The following KLC4 variants were observed in gnomAD, a reference collection of about 807,000 sequenced individuals.
The protein encoded by KLC4 is kinesin-like protein 8.
In KLC4, 49 loss-of-function variants were observed where a neutral mutation model predicts 77.2. The observed-to-expected ratio is 0.63, with a 90% CI of 0.50 to 0.80. The LOEUF (loss-of-function observed/expected upper bound fraction) is 0.80. Among genes scored for constraint, KLC4 ranks in the 30% least tolerant of loss-of-function variants. KLC4 has a pLI of 0.00. For synonymous variants in KLC4, 274 were observed against 314.5 expected (o/e 0.87, Z 1.36); for missense variants, 669 against 793.5 (o/e 0.84, Z 1.89).
chr6:43,066,455 C>G lies in KLC4; in HGVS notation c.721C>G (p.Leu241Val). Residue 241 changes from leucine (L) to valine (V), a missense_variant, in exon 5 of 16, where the codon CTG becomes GTG. Leu to Val is a conservative substitution (Grantham distance 32). Coordinates refer to ENST00000347162, the MANE Select transcript of KLC4 (RefSeq NM_201521.3). ...ACTCTGTAAGCAGGCACTAGAGGAC[C>G]TGGAGCGCACATCAGGCCGTGGCCA... Reference protein sequence around the residue: ...VPLCKQALEDLERTSGRGHPD... With the variant: ...VPLCKQALEDVERTSGRGHPD... 1 of 1,614,170 alleles carries G rather than the reference C, an allele frequency of 6.2e-7. No individual in the cohort carries two copies. Among genetic ancestry groups the G allele is most frequent in the Non-Finnish European group, 8.5e-7 (1 of 1,180,022 alleles).
chr6:43,068,132 A>AG (rs1765539366), intron 6 of KLC4, among the ~76,000 whole-genome samples: 1 of 147,020 alleles, frequency 6.8e-6, no homozygotes, highest in Non-Finnish European at 1.5e-5. Flanking sequence ...AAAAAAAAAA[A>AG]AAAAAAAGAA....
chr6:43,072,899 G>A lies in KLC4; in HGVS notation c.1564G>A (p.Gly522Ser). 1 of 1,612,464 alleles carries A rather than the reference G, an allele frequency of 6.2e-7. No homozygotes were observed. Residue 522 changes from glycine to serine, a missense_variant, in exon 13 of 16, where the codon GGC becomes AGC. By Grantham distance (56) the Gly-to-Ser change is moderately conservative. Transcript: ENST00000347162. ...TGATGGTAGAAGGACCTCCCAGGAG[G>A]GCCCTGGAGACAGTGTGAAATTCGA... The part of the protein sequence containing the change: ...ESDGRRTSQE[G>S]PGDSVKFEGG...
intron 14 of KLC4, 35 bp downstream of exon 14, chr6:43,073,373 G>A (rs377192744): frequency 4.7e-6 from 7 of 1,475,292 alleles, no homozygotes; most frequent in African/African-American, 4.2e-5. Flanking sequence ...TAAAGTGGCC[G>A]GGTGCAGTGG....
intron 1 of KLC4, 155 bp downstream of exon 1, chr6:43,059,840 C>T (rs1765042941): frequency 1.7e-6 from 2 of 1,169,732 alleles, no homozygotes; most frequent in Non-Finnish European, 2.1e-6. Flanking sequence ...CGCCCCTCGG[C>T]GTCCAGACAG....
At chr6:43,063,403 A>G (rs1204855849) in intron 3 of KLC4, among the ~76,000 whole-genome samples, 1 of 152,238 alleles carries the variant, frequency 6.6e-6, no homozygotes, top group Non-Finnish European at 1.5e-5. Context: ...TGAATGGGGC[A>G]CACAGAGTTC....
intron 3 of KLC4, 65 bp downstream of exon 3, chr6:43,063,212 C>A: frequency 8.1e-7 from 1 of 1,239,108 alleles, no homozygotes; most frequent in Non-Finnish European, 1.2e-6. Flanking sequence ...GACATGGGGG[C>A]AATTGCCCCA....
rs369041929 is a variant in KLC4 at position 43,060,220 on chromosome 6, C to A, written c.-26+535C>A. On this transcript the variant is annotated intron_variant, in intron 1 of 15. Coordinates refer to ENST00000347162, the MANE Select transcript of KLC4 (RefSeq NM_201521.3). ...GACAGAGACAAAACCATGGAAGTGA[C>A]TGGGTTTGGAGTGACCAGGTGTTCC... The A allele has an allele frequency of 1.2e-4, 188 of 1,614,036 alleles. No individual in the cohort carries two copies. The highest frequency in any genetic ancestry group is 1.5e-4 in the Non-Finnish European group (181 of 1,179,992).
intron 9 of KLC4, 91 bp downstream of exon 9, chr6:43,071,465 G>C (rs976622506): frequency 7.8e-6 from 12 of 1,541,800 alleles, no homozygotes; most frequent in Admixed American, 6.7e-5. Flanking sequence ...TTCCCAGGGG[G>C]AGCCAGACCC....
Position 43,071,237 on chromosome 6 carries a change from A to G in KLC4, c.1156-38A>G, listed in dbSNP as rs201978254. Reference sequence around the variant, plus strand: ...AAAAAAAAAGACCTTGCCTCCCTCCATGTTTTGTTCCTGTATTTTTGCCTT... The same window carrying G: ...AAAAAAAAAGACCTTGCCTCCCTCCGTGTTTTGTTCCTGTATTTTTGCCTT... On this transcript the variant is annotated intron_variant, in intron 8 of 15. Transcript: ENST00000347162. 2.0e-4 allele frequency: 244 copies of G among 1,228,616 alleles called. 2 individuals are homozygous for G. In the East Asian group the frequency reaches 5.7e-3, roughly 28 times the overall value. 76.1% of individuals were successfully genotyped at this position (1,228,616 alleles called of 1,614,324 possible). A position where few individuals can be genotyped will look rare whatever the true frequency, so the allele number is the denominator to read the frequency against.
intron 6 of KLC4, among the ~76,000 whole-genome samples, chr6:43,067,969 G>A (rs556135702): frequency 3.2e-4 from 36 of 110,986 alleles, no homozygotes; most frequent in South Asian, 2.7e-3. Context: ...AAAATTAGCC[G>A]GGCGTAGTGG....
intron 8 of KLC4, 50 bp downstream of exon 8, chr6:43,070,915 GAGGTGGGGGGA>G: frequency 3.1e-6 from 1 of 319,742 alleles, no homozygotes; most frequent in East Asian, 7.8e-5. Context: ...GGGGGGCACA[GAGGTGGGGGGA>G]GGGGGGGCAG....
chr6:43,070,822 TG>T lies in KLC4; in HGVS notation c.1116del (p.Pro373ArgfsTer6). 1.2e-6 allele frequency: 2 copies of T among 1,603,208 alleles called. No homozygotes were observed. The highest frequency in any genetic ancestry group is 1.7e-6 in the Non-Finnish European group (2 of 1,175,590). On this transcript the variant is annotated frameshift_variant, in exon 8 of 16. Coordinates refer to ENST00000347162, the MANE Select transcript of KLC4 (RefSeq NM_201521.3). LOFTEE classifies it high-confidence loss of function. ...GCACTGGCCATCTACGAGGGGCAGC[TG>T]GGGCCGGACAACCCTAATGTAGCCC... ...QRALAIYEGQ[L>X]GPDNPNVART...
Position 43,071,287 on chromosome 6 carries a change from C to A in KLC4, c.1168C>A (p.Leu390Met). 6.2e-7 allele frequency: 1 copy of A among 1,612,574 alleles called. No individual in the cohort carries two copies. The change falls in exon 9 of 16, where the codon CTG (leucine) becomes ATG (methionine). Residue 390 changes from leucine to methionine, a missense_variant. Physicochemically the swap from Leu to Met is conservative, Grantham distance 15. Coordinates refer to ENST00000347162, the MANE Select transcript of KLC4 (RefSeq NM_201521.3). Reference sequence around the variant, plus strand: ...TTCTGTCCTCCAGGCTTCCTGTTACCTGAAACAGGGCAAATATGCTGAGGC... The same window carrying A: ...TTCTGTCCTCCAGGCTTCCTGTTACATGAAACAGGGCAAATATGCTGAGGC... ...RTKNNLASCY[L>M]KQGKYAEAET...
At chr6:43,070,323 A>G in intron 6 of KLC4, 31 bp from the exon 7 acceptor site, 1 of 1,538,674 alleles carries the variant, frequency 6.5e-7, no homozygotes, top group Non-Finnish European at 9.0e-7. Context: ...TGCAACCCAA[A>G]TGTCTGATGG....
chr6:43,063,889 T>C (rs1179833248), intron 3 of KLC4, among the ~76,000 whole-genome samples: 1 of 152,042 alleles, frequency 6.6e-6, no homozygotes, highest in Non-Finnish European at 1.5e-5. Flanking sequence ...CTCAACAGAA[T>C]GCAGTGATGC....
chr6:43,072,903 C>G lies in KLC4; in HGVS notation c.1568C>G (p.Pro523Arg), dbSNP rs113660587. 4 of 1,611,310 alleles carry G rather than the reference C, an allele frequency of 2.5e-6. No individual in the cohort carries two copies. The African/African-American group carries it at 4.0e-5, about 16-fold the overall frequency. ...SDGRRTSQEG[P>R]GDSVKFEGGE... ...GGTAGAAGGACCTCCCAGGAGGGCCCTGGAGACAGTGTGAAATTCGAGGGA... is the reference window on the plus strand; with the variant it reads ...GGTAGAAGGACCTCCCAGGAGGGCCGTGGAGACAGTGTGAAATTCGAGGGA... The change falls in exon 13 of 16, where the codon CCT (proline) becomes CGT (arginine). Residue 523 changes from proline (P) to arginine (R), a missense_variant. Coordinates refer to ENST00000347162, the MANE Select transcript of KLC4 (RefSeq NM_201521.3).
chr6:43,070,474 C>A lies in KLC4; in HGVS notation c.981+19C>A. On this transcript the variant is annotated intron_variant, in intron 7 of 15. Coordinates refer to ENST00000347162, the MANE Select transcript of KLC4 (RefSeq NM_201521.3). ...AGAAAAGGTACCCATGCCCTCTCTC[C>A]CTTCTTCTCTTGTCGCTGTGACCCT... is the stretch of plus-strand genomic sequence containing the variant. 6.3e-7 allele frequency: 1 copy of A among 1,579,330 alleles called. No individual in the cohort carries two copies. Among genetic ancestry groups the A allele is most frequent in the Non-Finnish European group, 8.7e-7 (1 of 1,148,414 alleles).
At chr6:43,070,598 C>A in intron 7 of KLC4, 94 bp from the exon 8 acceptor site, 1 of 1,464,694 alleles carries the variant, frequency 6.8e-7, no homozygotes, top group Admixed American at 1.8e-5. Context: ...CTTTCCTCTG[C>A]TTTCCACATG....
intron 15 of KLC4, 120 bp from the exon 16 acceptor site, chr6:43,074,502 A>G (rs983209468): frequency 1.1e-6 from 1 of 893,470 alleles, no homozygotes; most frequent in Admixed American, 1.9e-5. Flanking sequence ...AGACTGGTCC[A>G]GAGACAGATG....
Sources: allele counts gnomAD v4.1 joint callset (sites outside exome capture counted in the v4.1 genomes callset), GRCh38; gene constraint gnomAD v4.1.1; transcripts MANE v1.5; gene names NCBI Gene and HGNC (gene_info 2026-07-23, HGNC 2026-07-21).